The following BEND7 variants were observed in gnomAD, a reference collection of about 807,000 sequenced individuals.
BEND7 encodes the protein BEN domain containing 7.
In BEND7, 28 loss-of-function variants were observed where a neutral mutation model predicts 50.9. That is an observed-to-expected ratio of 0.55 (90% CI 0.41 to 0.75). BEND7 has a LOEUF of 0.75. Among genes scored for constraint, BEND7 ranks in the 30% least tolerant of loss-of-function variants. BEND7 has a pLI of 0.00. For missense variants in BEND7, 477 were observed against 491.3 expected, an observed-to-expected ratio of 0.97 and a Z score of 0.28; for synonymous variants, 170 against 183.9, an observed-to-expected ratio of 0.92 and a Z score of 0.61.
At chr10:13,482,435 C>T (rs955999325) in intron 5 of BEND7, among the ~76,000 whole-genome samples, 2 of 152,226 alleles carry the variant, frequency 1.3e-5, no homozygotes, top group African/African-American at 4.8e-5. Context: ...CCCTGCTTTG[C>T]AGTTTCTAAT....
intron 5 of BEND7, 100 bp from the exon 6 acceptor site, chr10:13,481,224 C>A (rs981727680): frequency 2.8e-6 from 3 of 1,078,272 alleles, no homozygotes; most frequent in Admixed American, 2.5e-5. Context: ...CTGAAATGTA[C>A]ATATCCTACA....
chr10:13,455,696 G>A (rs570567862), intron 6 of BEND7, among the ~76,000 whole-genome samples: 44 of 152,276 alleles, frequency 2.9e-4, no homozygotes, highest in African/African-American at 1.1e-3. Flanking sequence ...TGGAGGGGCT[G>A]CCTCCAACAG....
rs869182798 is a variant in BEND7 at position 13,494,428 on chromosome 10, AAAAC to A, written c.572-1556_572-1553del. The stretch of plus-strand genomic sequence containing the variant: ...GAGACTATGTCTCAAAACAAAAACA[AAAAC>A]AAACAAACAAAAAAACTGAAATGCC... On this transcript the variant is annotated intron_variant, in intron 4 of 8. Coordinates refer to ENST00000466271, the MANE Select transcript of BEND7 (RefSeq NM_001369863.1). Among the ~76,000 whole-genome samples, 47 of 152,290 alleles carry A rather than the reference AAAAC, an allele frequency of 3.1e-4. 1 individual carries two copies. The highest frequency in any genetic ancestry group is 3.1e-4 in the African/African-American group (13 of 41,572).
At chr10:13,500,899 C>T in intron 2 of BEND7, 1 of 926,232 alleles carries the variant, frequency 1.1e-6, no homozygotes, top group East Asian at 1.2e-4. Context: ...CTGCCACCTC[C>T]CCTGCAGCGT....
chr10:13,447,589 G>A (rs939529956), intron 7 of BEND7, among the ~76,000 whole-genome samples: 3 of 136,764 alleles, frequency 2.2e-5, no homozygotes, highest in African/African-American at 5.7e-5. Flanking sequence ...TGTCGCCCAG[G>A]CTGGAGTGCA....
At chr10:13,479,066 G>A (rs1331035414) in intron 6 of BEND7, among the ~76,000 whole-genome samples, 1 of 149,948 alleles carries the variant, frequency 6.7e-6, no homozygotes, top group Non-Finnish European at 1.5e-5. Flanking sequence ...GAGTACAATG[G>A]TGCGATCTCA....
At chr10:13,492,331 C>A (rs2076721541) in intron 5 of BEND7, among the ~76,000 whole-genome samples, 1 of 152,166 alleles carries the variant, frequency 6.6e-6, no homozygotes, top group African/African-American at 2.4e-5. Context: ...AAAATTGTCA[C>A]TGCAAAATTA....
intron 6 of BEND7, among the ~76,000 whole-genome samples, chr10:13,479,941 G>C (rs577250995): frequency 6.6e-6 from 1 of 152,184 alleles, no homozygotes; most frequent in Non-Finnish European, 1.5e-5. Flanking sequence ...CATTTTGCCA[G>C]ATAATGGGGA....
intron 5 of BEND7, among the ~76,000 whole-genome samples, chr10:13,489,897 C>CGCAGATTA (rs1338272571): frequency 6.6e-6 from 1 of 152,208 alleles, no homozygotes; most frequent in Admixed American, 6.5e-5. Context: ...TTTCCTCCTT[C>CGCAGATTA]GCAGATTAAA....
At chr10:13,457,542 T>C (rs577077582) in intron 6 of BEND7, among the ~76,000 whole-genome samples, 109 of 152,246 alleles carry the variant, frequency 7.2e-4, no homozygotes, top group Non-Finnish European at 1.4e-3. Context: ...GGGCACATTA[T>C]TGACACCCTA....
chr10:13,441,847 C>T, intron 8 of BEND7, 97 bp from the exon 9 acceptor site: 2 of 1,250,936 alleles, frequency 1.6e-6, no homozygotes, highest in Non-Finnish European at 1.1e-6. Context: ...ATAATTTCTC[C>T]AAACCTTCCT....
At chr10:13,494,349 G>A (rs983553245) in intron 4 of BEND7, among the ~76,000 whole-genome samples, 13 of 152,172 alleles carry the variant, frequency 8.5e-5, no homozygotes, top group South Asian at 4.1e-4. Flanking sequence ...CCCAGGAGGC[G>A]GAGGTTGCAG....
At chr10:13,513,746 C>A (rs1405679749) in intron 2 of BEND7, among the ~76,000 whole-genome samples, 3 of 152,178 alleles carry the variant, frequency 2.0e-5, no homozygotes, top group African/African-American at 4.8e-5. Context: ...AATTACACTG[C>A]GGACCTCCAT....
chr10:13,499,248 T>C (rs1282294762), intron 3 of BEND7, among the ~76,000 whole-genome samples: 1 of 152,250 alleles, frequency 6.6e-6, no homozygotes, highest in East Asian at 1.9e-4. Flanking sequence ...ATACTTTCCA[T>C]TGCTAATGAA....
At chr10:13,526,075 T>A in intron 2 of BEND7, 63 bp downstream of exon 2, 1 of 881,796 alleles carries the variant, frequency 1.1e-6, no homozygotes, top group Non-Finnish European at 1.6e-6. Context: ...AATTTCCTTT[T>A]TTCCCCCTAA....
chr10:13,484,746 T>C (rs1236290098), intron 5 of BEND7, among the ~76,000 whole-genome samples: 2 of 152,238 alleles, frequency 1.3e-5, no homozygotes, highest in Non-Finnish European at 2.9e-5. Flanking sequence ...GGGCAGGATT[T>C]AAGACACTTA....
chr10:13,440,475 C>A (rs912646927), downstream of BEND7, among the ~76,000 whole-genome samples: 2 of 152,228 alleles, frequency 1.3e-5, no homozygotes, highest in Non-Finnish European at 2.9e-5. Flanking sequence ...CTGCCCCTAC[C>A]CGCCCGCCTC....
intron 6 of BEND7, among the ~76,000 whole-genome samples, chr10:13,464,146 TACTCGG>T (rs2073990534): frequency 6.6e-6 from 1 of 152,242 alleles, no homozygotes; most frequent in Non-Finnish European, 1.5e-5. Flanking sequence ...TGTTCCTTGT[TACTCGG>T]CCGTTCCATT....
intron 2 of BEND7, among the ~76,000 whole-genome samples, chr10:13,521,133 G>C (rs1396747066): frequency 6.6e-6 from 1 of 151,858 alleles, no homozygotes; most frequent in East Asian, 1.9e-4. Flanking sequence ...TGCACGTAAG[G>C]CTCTCTGGGT....
Sources: allele counts gnomAD v4.1 joint callset (sites outside exome capture counted in the v4.1 genomes callset), GRCh38; gene constraint gnomAD v4.1.1; transcripts MANE v1.5; gene names NCBI Gene and HGNC (gene_info 2026-07-23, HGNC 2026-07-21).